SMYD3: variants seen among roughly 807,000 people sequenced by gnomAD.
SMYD3 encodes the protein histone-lysine N-methyltransferase SMYD3.
Under a neutral mutation model 57.7 loss-of-function variants are expected in SMYD3, and 36 were observed. The observed-to-expected ratio is 0.62, with a 90% CI of 0.48 to 0.82. The LOEUF is 0.82. Ranked by LOEUF, SMYD3 falls within the 40% of genes least tolerant of loss-of-function variation. The probability of loss-of-function intolerance (pLI) is 0.00; values close to 1 mark genes in which losing one functional copy is unlikely to be tolerated. For missense variants in SMYD3, 515 were observed against 538.8 expected, an observed-to-expected ratio of 0.96 and a Z score of 0.44; for synonymous variants, 211 against 195.0, an observed-to-expected ratio of 1.08 and a Z score of -0.68.
At chr1:246,132,767 A>G (rs2061606439) in intron 5 of SMYD3, among the ~76,000 whole-genome samples, 1 of 152,158 alleles carries the variant, frequency 6.6e-6, no homozygotes, top group Admixed American at 6.6e-5. Flanking sequence ...ATATATGGAT[A>G]ACTCCAAAAC....
At chr1:245,777,022 CT>C (rs2046633252) in intron 10 of SMYD3, among the ~76,000 whole-genome samples, 1 of 152,190 alleles carries the variant, frequency 6.6e-6, no homozygotes, top group South Asian at 2.1e-4. Flanking sequence ...GTTGCTGACA[CT>C]TGCTCTACGA....
intron 5 of SMYD3, among the ~76,000 whole-genome samples, chr1:246,022,758 A>C (rs1264924101): frequency 6.6e-6 from 1 of 152,250 alleles, no homozygotes; most frequent in Non-Finnish European, 1.5e-5. Context: ...TCTGGGACAC[A>C]TACCAAATTG....
intron 5 of SMYD3, among the ~76,000 whole-genome samples, chr1:246,275,802 C>T (rs1572324607): frequency 6.7e-6 from 1 of 149,462 alleles, no homozygotes; most frequent in Non-Finnish European, 1.5e-5. Context: ...TTAACACTGG[C>T]AAGTTATTTA....
chr1:246,097,453 T>C (rs2060935933), intron 5 of SMYD3, among the ~76,000 whole-genome samples: 1 of 152,090 alleles, frequency 6.6e-6, no homozygotes, highest in Non-Finnish European at 1.5e-5. Context: ...GCCAAAATGT[T>C]TTCCATGTAA....
intron 1 of SMYD3, among the ~76,000 whole-genome samples, chr1:246,433,476 C>T (rs2067327513): frequency 6.6e-6 from 1 of 152,230 alleles, no homozygotes; most frequent in African/African-American, 2.4e-5. Flanking sequence ...GCCTGGACAA[C>T]ATGGTAAAAC....
At chr1:246,088,264 CTTCTTTCTCTTTCTTTCTCTCTCTCTCT>C (rs1190967815) in intron 5 of SMYD3, among the ~76,000 whole-genome samples, 1 of 151,884 alleles carries the variant, frequency 6.6e-6, no homozygotes, top group Non-Finnish European at 1.5e-5. Context: ...TCCCTCTCTC[CTTCTTTCTCTTTCTTTCTCTCTCTCTCT>C]ATTCAGGAGT....
chr1:246,147,160 T>C (rs1402895280), intron 5 of SMYD3, among the ~76,000 whole-genome samples: 1 of 149,926 alleles, frequency 6.7e-6, no homozygotes, highest in East Asian at 1.9e-4. Flanking sequence ...ATGGCACATT[T>C]TTCACTGTAA....
chr1:246,265,879 T>C (rs1401109937), intron 5 of SMYD3, among the ~76,000 whole-genome samples: 1 of 152,234 alleles, frequency 6.6e-6, no homozygotes, highest in Non-Finnish European at 1.5e-5. Context: ...ATCTTCCAGT[T>C]AATGAGAAGA....
chr1:246,481,286 T>C (rs1477304585), intron 1 of SMYD3, among the ~76,000 whole-genome samples: 1 of 152,090 alleles, frequency 6.6e-6, no homozygotes, highest in Non-Finnish European at 1.5e-5. Context: ...AACATTATTT[T>C]TTGGTGTGTC....
intron 5 of SMYD3, among the ~76,000 whole-genome samples, chr1:246,033,154 G>A (rs1007536872): frequency 2.6e-5 from 4 of 152,008 alleles, no homozygotes; most frequent in African/African-American, 9.7e-5. Context: ...CAACACAGAT[G>A]TCCTTCAAAG....
intron 5 of SMYD3, among the ~76,000 whole-genome samples, chr1:246,144,230 A>G (rs529677633): frequency 3.9e-5 from 6 of 152,206 alleles, no homozygotes; most frequent in Admixed American, 6.5e-5. Flanking sequence ...CTGGGTACCA[A>G]TGTCTTCTCT....
At chr1:246,187,143 C>T (rs2062653944) in intron 5 of SMYD3, among the ~76,000 whole-genome samples, 1 of 152,082 alleles carries the variant, frequency 6.6e-6, no homozygotes. Context: ...AATCCCAGCA[C>T]TTTGGTGCGG....
In SMYD3 at chr1:246,375,325, CTTTTTTTTTTT is replaced by C. The variant is rs60882470; in HGVS notation, c.165-20242_165-20232del. Among the ~76,000 whole-genome samples, 280 of 62,266 alleles carry C rather than the reference CTTTTTTTTTTT, an allele frequency of 4.5e-3. 1 individual carries two copies. The highest frequency in any genetic ancestry group is 0.015 in the African/African-American group (255 of 17,370). The allele number at this position is 62,266 out of a possible 152,430, so 40.8% of individuals were successfully genotyped here. The stretch of plus-strand genomic sequence containing the variant: ...AATGAACTACATTTCTAATGAGAGA[CTTTTTTTTTTT>C]TTTTTTTTTTTTTTTTTTTTACCAA... On this transcript the variant is annotated intron_variant, in intron 1 of 11. Transcript: ENST00000490107.
At chr1:246,150,569 CTAA>C (rs1431056094) in intron 5 of SMYD3, among the ~76,000 whole-genome samples, 1 of 152,178 alleles carries the variant, frequency 6.6e-6, no homozygotes, top group Non-Finnish European at 1.5e-5. Flanking sequence ...ACATACTGTA[CTAA>C]TGTTTCTGTC....
intron 1 of SMYD3, among the ~76,000 whole-genome samples, chr1:246,489,544 A>G (rs2068237715): frequency 6.6e-6 from 1 of 152,172 alleles, no homozygotes; most frequent in African/African-American, 2.4e-5. Flanking sequence ...AAAAGGACAG[A>G]AAGGAAATTT....
chr1:246,352,966 T>G (rs888904570), intron 2 of SMYD3, among the ~76,000 whole-genome samples: 1 of 152,238 alleles, frequency 6.6e-6, no homozygotes, highest in African/African-American at 2.4e-5. Flanking sequence ...CGCTTCTCTA[T>G]GTACTCTGTT....
intron 2 of SMYD3, among the ~76,000 whole-genome samples, chr1:246,353,075 A>T (rs952288999): frequency 6.6e-6 from 1 of 152,220 alleles, no homozygotes; most frequent in African/African-American, 2.4e-5. Context: ...TACTGTATAA[A>T]AAGCAGTATT....
At chr1:245,957,915 G>C (rs751129804) in intron 5 of SMYD3, among the ~76,000 whole-genome samples, 4 of 151,938 alleles carry the variant, frequency 2.6e-5, no homozygotes, top group Non-Finnish European at 2.9e-5. Flanking sequence ...TGTGTGGTTA[G>C]GTTTAAAAAA....
chr1:245,790,790 G>A (rs139461059), intron 10 of SMYD3, among the ~76,000 whole-genome samples: 1 of 152,302 alleles, frequency 6.6e-6, no homozygotes, highest in East Asian at 1.9e-4. Flanking sequence ...AGACTGAGTT[G>A]TAGAGCCAGA....
Sources: gnomAD v4.1 joint callset for allele counts (sites outside exome capture counted in the v4.1 genomes callset) on GRCh38, gnomAD v4.1.1 for gene constraint, MANE v1.5 for transcripts, NCBI Gene and HGNC (gene_info 2026-07-23, HGNC 2026-07-21) for gene names.